The following SLTM variants were observed in gnomAD, a reference collection of about 807,000 sequenced individuals.
SLTM encodes the protein SAFB like transcription modulator, also known as SAFB-like transcription modulator.
SLTM carries 43 observed loss-of-function variants against 134.6 expected under a neutral mutation model. The observed-to-expected ratio is 0.32, with a 90% confidence interval of 0.25 to 0.41. The LOEUF (loss-of-function observed/expected upper bound fraction) is 0.41, where lower values mean the gene tolerates loss of function less well. SLTM is among the 10% of genes least tolerant of loss of function. SLTM has a pLI of 1.00. For synonymous variants in SLTM, 424 were observed against 432.3 expected (o/e 0.98, Z 0.24); for missense variants, 1,055 against 1,288.8 (o/e 0.82, Z 2.78).
At chr15:58,908,193 T>C (rs1263811606) in intron 5 of SLTM, among the ~76,000 whole-genome samples, 1 of 151,652 alleles carries the variant, frequency 6.6e-6, no homozygotes, top group Non-Finnish European at 1.5e-5. Context: ...CCTGAGTAGC[T>C]AGGACCACAG....
At chr15:58,901,050 T>C (rs1470945933) in intron 6 of SLTM, 6 of 524,350 alleles carry the variant, frequency 1.1e-5, no homozygotes, top group Admixed American at 1.1e-4. Context: ...GTAACTGATA[T>C]GTACTATTAA....
chr15:58,910,836 C>A (rs2036220125), intron 5 of SLTM, among the ~76,000 whole-genome samples: 1 of 151,404 alleles, frequency 6.6e-6, no homozygotes, highest in South Asian at 2.1e-4. Context: ...CCTCCACCTC[C>A]CAGGTTCAAG....
At position 58,933,535 on chromosome 15, in the gene SLTM, A is replaced by G; in HGVS notation, c.31T>C (p.Ser11Pro). 1.3e-6 allele frequency: 2 copies of G among 1,596,106 alleles called. No homozygotes were observed. Among genetic ancestry groups the G allele is most frequent in the African/African-American group, 1.4e-5 (1 of 73,026 alleles). The change falls in exon 1 of 21, where the codon TCG becomes CCG. Residue 11 changes from serine (S) to proline (P), a missense_variant. Coordinates refer to ENST00000380516, the MANE Select transcript of SLTM (RefSeq NM_024755.4). ...CCTTCCGCCTGACCCGAGGCGGCCGAGGCTGCCACCGCACCGGTAGCGGCA... is the reference window on the plus strand; with the variant it reads ...CCTTCCGCCTGACCCGAGGCGGCCGGGGCTGCCACCGCACCGGTAGCGGCA... MAAATGAVAA[S>P]AASGQAEGKK...
Position 58,887,485 on chromosome 15 carries a change from T to G in SLTM, c.2431A>C (p.Arg811=). 6.2e-7 allele frequency: 1 copy of G among 1,614,094 alleles called. No individual in the cohort carries two copies. Among genetic ancestry groups the G allele is most frequent in the Non-Finnish European group, 8.5e-7 (1 of 1,179,994 alleles). The change falls in exon 18 of 21, where the codon AGG becomes CGG. Residue 811 remains arginine, a synonymous_variant. Coordinates refer to ENST00000380516, the MANE Select transcript of SLTM (RefSeq NM_024755.4). ...EGKKARPTAR[R]EDPSFERYPK... ...TATCTTTCGAAGCTTGGATCTTCCC[T>G]TCGTGCAGTAGGTCGTGCTTTTTTC...
At chr15:58,916,857 CA>C in intron 3 of SLTM, 77 bp downstream of exon 3, 1 of 1,287,338 alleles carries the variant, frequency 7.8e-7, no homozygotes, top group Non-Finnish European at 1.1e-6. Context: ...GACCATTGTT[CA>C]ACAAAAAGCA....
intron 6 of SLTM, chr15:58,900,732 T>A (rs2141033085): frequency 1.9e-5 from 3 of 156,118 alleles, no homozygotes; most frequent in Middle Eastern, 6.5e-3. Context: ...AACCTCCTAC[T>A]GACCACATGT....
chr15:58,911,416 T>C (rs10518992), intron 5 of SLTM, among the ~76,000 whole-genome samples: 30,311 of 152,024 alleles, frequency 0.2, 3,319 homozygotes, highest in South Asian at 0.43. Context: ...ATATCTCTAT[T>C]TGAAAGTACA....
intron 17 of SLTM, 117 bp from the exon 18 acceptor site, chr15:58,887,657 AGCCATGG>A: frequency 6.8e-7 from 1 of 1,468,294 alleles, no homozygotes; most frequent in Non-Finnish European, 9.0e-7. Context: ...CTTAAGGCAA[AGCCATGG>A]AAAAAAGCTA....
Position 58,933,679 on chromosome 15 carries a change from T to C in SLTM, c.-114A>G. ...CGGCGCCGCGCAGCGCTGCGCACAA[T>C]GAGCCGCTGGCCCCTCCCCCGGTCC... On this transcript the variant is annotated 5_prime_UTR_variant, in exon 1 of 21. Coordinates refer to ENST00000380516, the MANE Select transcript of SLTM (RefSeq NM_024755.4). The C allele has an allele frequency of 1.5e-6, 2 of 1,307,780 alleles. No individual in the cohort carries two copies. Among genetic ancestry groups the C allele is most frequent in the Non-Finnish European group, 1.9e-6 (2 of 1,029,526 alleles). The allele number at this position is 1,307,780 out of a possible 1,614,324, so 81.0% of individuals were successfully genotyped here. A position where few individuals can be genotyped will look rare whatever the true frequency, so the allele number is the denominator to read the frequency against.
chr15:58,899,407 T>A lies in SLTM; in HGVS notation c.1058+62A>T. 7.4e-7 allele frequency: 1 copy of A among 1,342,844 alleles called. No individual in the cohort carries two copies. The highest frequency in any genetic ancestry group is 1.1e-6 in the Non-Finnish European group (1 of 942,296). 83.2% of individuals were successfully genotyped at this position (1,342,844 alleles called of 1,614,324 possible). On this transcript the variant is annotated intron_variant, in intron 7 of 20. Coordinates refer to ENST00000380516, the MANE Select transcript of SLTM (RefSeq NM_024755.4). This position sits in a 1 kb window ranked among gnomAD's most constrained non-coding sequence, Gnocchi z 5.0. ...TGTTCTTGAAGCCACCCCCTTAATG[T>A]AGAGTGATCTTATTGAATGCTGGAA... is the stretch of plus-strand genomic sequence containing the variant.
intron 8 of SLTM, 102 bp downstream of exon 8, chr15:58,898,701 T>A: frequency 2.4e-6 from 2 of 822,186 alleles, no homozygotes; most frequent in Non-Finnish European, 4.0e-6. Context: ...GTCAATAAAA[T>A]TTTTAAGGAC....
intron 8 of SLTM, chr15:58,898,386 A>G (rs1276279935): frequency 6.5e-6 from 1 of 152,906 alleles, no homozygotes; most frequent in Non-Finnish European, 1.5e-5. Context: ...AAGAAAAAAG[A>G]ACACTAGACT....
At chr15:58,886,878 C>G (rs1310200789) in intron 19 of SLTM, 97 bp downstream of exon 19, 22 of 1,449,622 alleles carry the variant, frequency 1.5e-5, no homozygotes. Flanking sequence ...TCTAGCTAAT[C>G]TAAGCCACAT....
At chr15:58,916,276 C>A (rs187251927) in intron 3 of SLTM, among the ~76,000 whole-genome samples, 210 of 151,514 alleles carry the variant, frequency 1.4e-3, no homozygotes, top group Admixed American at 2.2e-3. Context: ...CGAGTTCAAG[C>A]GATTCTCCTG....
intron 3 of SLTM, among the ~76,000 whole-genome samples, chr15:58,914,948 C>A (rs781480279): frequency 6.6e-5 from 10 of 152,182 alleles, no homozygotes; most frequent in Non-Finnish European, 1.0e-4. Flanking sequence ...GTATTCCTAG[C>A]ATCTTAGGAG....
intron 2 of SLTM, among the ~76,000 whole-genome samples, chr15:58,920,410 G>T (rs1371636804): frequency 6.6e-6 from 1 of 151,294 alleles, no homozygotes; most frequent in East Asian, 1.9e-4. Flanking sequence ...GATCATCTGA[G>T]GTTAGGAGTT....
chr15:58,921,924 T>C (rs2037077760), intron 2 of SLTM, among the ~76,000 whole-genome samples: 1 of 152,026 alleles, frequency 6.6e-6, no homozygotes, highest in Admixed American at 6.6e-5. Context: ...TACAGGCGCA[T>C]GCCACCACCC....
intron 19 of SLTM, among the ~76,000 whole-genome samples, chr15:58,885,821 A>AC (rs542295256): frequency 6.6e-6 from 1 of 151,162 alleles, no homozygotes; most frequent in Non-Finnish European, 1.5e-5. Context: ...AAAAAACAAC[A>AC]ACACACACAC....
At chr15:58,927,804 A>C (rs970037114) in intron 2 of SLTM, among the ~76,000 whole-genome samples, 1 of 152,234 alleles carries the variant, frequency 6.6e-6, no homozygotes, top group Non-Finnish European at 1.5e-5. Flanking sequence ...AGTTCTGATT[A>C]AAGTGTTACT....
Sources: gnomAD v4.1 joint callset for allele counts (sites outside exome capture counted in the v4.1 genomes callset) on GRCh38, gnomAD v4.1.1 for gene constraint, Gnocchi (gnomAD v3.1) non-coding constraint, MANE v1.5 for transcripts, NCBI Gene and HGNC (gene_info 2026-07-23, HGNC 2026-07-21) for gene names.